NEDD4L: variants seen among roughly 807,000 people sequenced by gnomAD.
NEDD4L encodes the protein NEDD4 like E3 ubiquitin protein ligase.
Under a neutral mutation model 148.9 loss-of-function variants are expected in NEDD4L, and 54 were observed. The observed-to-expected ratio is 0.36, with a 90% CI of 0.29 to 0.45. NEDD4L has a LOEUF of 0.45. Among genes scored for constraint, NEDD4L ranks in the 20% least tolerant of loss-of-function variants. The probability of loss-of-function intolerance (pLI) is 1.00; values close to 1 mark genes in which losing one functional copy is unlikely to be tolerated. For synonymous variants in NEDD4L, 433 were observed against 440.7 expected (o/e 0.98, Z 0.22); for missense variants, 856 against 1,233.8 (o/e 0.69, Z 4.59).
At chr18:58,306,284 G>A (rs1228506939) in intron 5 of NEDD4L, among the ~76,000 whole-genome samples, 4 of 151,788 alleles carry the variant, frequency 2.6e-5, no homozygotes, top group Non-Finnish European at 5.9e-5. Context: ...GATATCAGGG[G>A]TGGGGGAGAT....
intron 5 of NEDD4L, among the ~76,000 whole-genome samples, chr18:58,273,804 C>T (rs1449507548): frequency 6.6e-6 from 1 of 152,172 alleles, no homozygotes; most frequent in Non-Finnish European, 1.5e-5. Context: ...GAACCTTCGG[C>T]GCGGATTTTA....
At chr18:58,101,228 A>G (rs1207008552) in intron 1 of NEDD4L, among the ~76,000 whole-genome samples, 1 of 152,228 alleles carries the variant, frequency 6.6e-6, no homozygotes, top group African/African-American at 2.4e-5. Flanking sequence ...ACAGCCAACC[A>G]GGAGAAGGAA....
At chr18:58,327,006 A>C (rs1380129784) in intron 9 of NEDD4L, among the ~76,000 whole-genome samples, 1 of 152,234 alleles carries the variant, frequency 6.6e-6, no homozygotes, top group Admixed American at 6.5e-5. Context: ...AAAGTGATTT[A>C]AAAGAGAAAC....
intron 2 of NEDD4L, among the ~76,000 whole-genome samples, chr18:58,216,012 CTA>C (rs1222205133): frequency 6.6e-6 from 1 of 150,806 alleles, no homozygotes; most frequent in Non-Finnish European, 1.5e-5. Context: ...GATTCTGTTC[CTA>C]TGATACCTCC....
intron 2 of NEDD4L, among the ~76,000 whole-genome samples, chr18:58,179,713 C>T (rs117254250): frequency 1.3e-3 from 195 of 151,826 alleles, no homozygotes; most frequent in Admixed American, 4.4e-3. Flanking sequence ...GAGAATCTAA[C>T]GCCTGATGAT....
In NEDD4L at chr18:58,268,540, T is replaced by C. The variant is rs146763097; in HGVS notation, c.297+16486T>C. Among the ~76,000 whole-genome samples, 178 of 152,146 alleles carry C rather than the reference T, an allele frequency of 1.2e-3. 1 individual carries two copies. The highest frequency in any genetic ancestry group is 4.0e-3 in the African/African-American group (167 of 41,526). ...TTTTATTCCCTTCACCCCTAGTTTATCATGTGTTTCCTTGATGGGCTGAGG... is the reference window on the plus strand; with the variant it reads ...TTTTATTCCCTTCACCCCTAGTTTACCATGTGTTTCCTTGATGGGCTGAGG... On this transcript the variant is annotated intron_variant, in intron 5 of 30. Transcript: ENST00000400345.
At chr18:58,323,163 T>C in intron 7 of NEDD4L, 69 bp from the exon 8 acceptor site, 1 of 931,816 alleles carries the variant, frequency 1.1e-6, no homozygotes, top group Middle Eastern at 2.1e-4. Context: ...TGGCTTTTGC[T>C]GAAGACGATT....
intron 2 of NEDD4L, among the ~76,000 whole-genome samples, chr18:58,192,110 G>T (rs1234049981): frequency 6.6e-6 from 1 of 152,182 alleles, no homozygotes; most frequent in East Asian, 1.9e-4. Context: ...GTTGGAGGTT[G>T]CAGTGAGCTG....
At chr18:58,175,530 C>T (rs531896) in intron 2 of NEDD4L, among the ~76,000 whole-genome samples, 2,344 of 152,386 alleles carry the variant, frequency 0.015, 67 homozygotes, top group African/African-American at 0.053. Context: ...ACATTTCTCT[C>T]TGGAGGCCTT....
intron 22 of NEDD4L, among the ~76,000 whole-genome samples, chr18:58,369,784 T>G (rs550130916): frequency 2.6e-4 from 39 of 152,320 alleles, no homozygotes; most frequent in African/African-American, 9.4e-4. Context: ...CCGACCTCGC[T>G]GCTGTTGCCT....
chr18:58,113,644 C>T (rs773630621), intron 1 of NEDD4L, among the ~76,000 whole-genome samples: 6 of 152,008 alleles, frequency 3.9e-5, no homozygotes, highest in Non-Finnish European at 5.9e-5. Flanking sequence ...AAGAGGGGCT[C>T]ATAGAGGCCA....
At chr18:58,221,827 T>C in intron 2 of NEDD4L, 1 of 631,344 alleles carries the variant, frequency 1.6e-6, no homozygotes, top group Non-Finnish European at 2.0e-6. Context: ...GTGAGTTTGA[T>C]GTTGGTTTAA....
At chr18:58,383,663 A>G (rs536391903) in intron 25 of NEDD4L, among the ~76,000 whole-genome samples, 2 of 152,250 alleles carry the variant, frequency 1.3e-5, no homozygotes, top group Non-Finnish European at 2.9e-5. Context: ...CAGCAGGGCA[A>G]AATTAGGAAC....
At position 58,111,970 on chromosome 18, in the gene NEDD4L, C is replaced by T. The variant is rs1175405212; in HGVS notation, c.49-53818C>T. 3.9e-5 allele frequency among the ~76,000 whole-genome samples: 6 copies of T among 152,310 alleles called. No individual in the cohort carries two copies. The East Asian group carries it at 1.2e-3, about 29-fold the overall frequency. ...CACGTGTTGTCTGTCCAGTGATAGCCATCCTACTGGGTGTCCCTGTTGTTT... is the reference window on the plus strand; with the variant it reads ...CACGTGTTGTCTGTCCAGTGATAGCTATCCTACTGGGTGTCCCTGTTGTTT... On this transcript the variant is annotated intron_variant, in intron 1 of 30. Coordinates refer to ENST00000400345, the MANE Select transcript of NEDD4L (RefSeq NM_001144967.3).
At chr18:58,367,395 A>C (rs1055928256) in intron 21 of NEDD4L, among the ~76,000 whole-genome samples, 1 of 152,164 alleles carries the variant, frequency 6.6e-6, no homozygotes, top group African/African-American at 2.4e-5. Context: ...GAGACGACCT[A>C]AAGTACTCAC....
intron 2 of NEDD4L, among the ~76,000 whole-genome samples, chr18:58,191,619 C>T (rs1033199374): frequency 3.0e-4 from 45 of 152,344 alleles, no homozygotes; most frequent in African/African-American, 9.1e-4. Context: ...TCTTACAAAA[C>T]AATCACGTTA....
chr18:58,080,583 G>C (rs1420283782), intron 1 of NEDD4L, among the ~76,000 whole-genome samples: 1 of 152,234 alleles, frequency 6.6e-6, no homozygotes, highest in African/African-American at 2.4e-5. Flanking sequence ...AGCAGGGCCA[G>C]ATGAGCGAGA....
Position 58,047,212 on chromosome 18 carries a change from T to A in NEDD4L, c.48+2504T>A, listed in dbSNP as rs1047286546. ...TGCAGACTTGGTGTGCTGCAGAATA[T>A]CACATATGAAGATATTTTGACCGCT... On this transcript the variant is annotated intron_variant, in intron 1 of 30. Coordinates refer to ENST00000400345, the MANE Select transcript of NEDD4L (RefSeq NM_001144967.3). The A allele has an allele frequency of 7.6e-5, 75 of 983,772 alleles. No individual in the cohort carries two copies. The African/African-American group carries it at 8.7e-4, about 11-fold the overall frequency. The allele number at this position is 983,772 out of a possible 1,614,324, so 60.9% of individuals were successfully genotyped here.
chr18:58,339,191 G>A (rs1390404322), intron 13 of NEDD4L, among the ~76,000 whole-genome samples: 1 of 152,148 alleles, frequency 6.6e-6, no homozygotes, highest in Non-Finnish European at 1.5e-5. Flanking sequence ...ACGGCTGAAG[G>A]GGAGGGCTCT....
Sources: gnomAD v4.1 joint callset for allele counts (sites outside exome capture counted in the v4.1 genomes callset) on GRCh38, gnomAD v4.1.1 for gene constraint, MANE v1.5 for transcripts, NCBI Gene and HGNC (gene_info 2026-07-23, HGNC 2026-07-21) for gene names.